CAPZA2: variants seen among roughly 807,000 people sequenced by gnomAD.
The protein encoded by CAPZA2 is F-actin-capping protein subunit alpha-2.
A neutral mutation model predicts 44.0 loss-of-function variants in CAPZA2; 13 were observed. That is an observed-to-expected ratio of 0.30 (90% CI 0.19 to 0.47). CAPZA2 has a LOEUF of 0.47. Among genes scored for constraint, CAPZA2 ranks in the 20% least tolerant of loss-of-function variants. The pLI, the probability that CAPZA2 is intolerant of heterozygous loss-of-function variation, is 1.00. For missense variants in CAPZA2, 244 were observed against 338.6 expected, an observed-to-expected ratio of 0.72 and a Z score of 2.19; for synonymous variants, 94 against 108.2, an observed-to-expected ratio of 0.87 and a Z score of 0.81.
Position 116,898,853 on chromosome 7 carries a change from A to T in CAPZA2, c.219+18A>T. 1 of 1,448,278 alleles carries T rather than the reference A, an allele frequency of 6.9e-7. No homozygotes were observed. The highest frequency in any genetic ancestry group is 9.6e-7 in the Non-Finnish European group (1 of 1,037,408). 89.7% of individuals were successfully genotyped at this position (1,448,278 alleles called of 1,614,324 possible). A position where few individuals can be genotyped will look rare whatever the true frequency, so the allele number is the denominator to read the frequency against. On this transcript the variant is annotated intron_variant, in intron 4 of 9. Transcript: ENST00000361183. The stretch of plus-strand genomic sequence containing the variant: ...AAGATCAGGTATGTTTCATATAAAC[A>T]CTATTCTTTGTTTTGTTTATAACCG...
chr7:116,867,844 A>G (rs769068621), intron 1 of CAPZA2, among the ~76,000 whole-genome samples: 6 of 152,128 alleles, frequency 3.9e-5, no homozygotes, highest in Admixed American at 1.3e-4. Flanking sequence ...TTGGCCTCCT[A>G]AAGTGCTGGG....
chr7:116,906,537 G>A (rs1465458661), intron 6 of CAPZA2, 195 bp downstream of exon 6: 10 of 933,376 alleles, frequency 1.1e-5, no homozygotes, highest in Non-Finnish European at 1.5e-5. Context: ...TGGTAAATCT[G>A]TTGACATTCA....
intron 1 of CAPZA2, among the ~76,000 whole-genome samples, chr7:116,870,888 G>T (rs1194790982): frequency 1.3e-5 from 2 of 152,208 alleles, no homozygotes; most frequent in Admixed American, 1.3e-4. Context: ...GGTACCACTA[G>T]TAACAACTGG....
At chr7:116,888,912 C>G (rs1427649754) in intron 2 of CAPZA2, among the ~76,000 whole-genome samples, 1 of 152,068 alleles carries the variant, frequency 6.6e-6, no homozygotes, top group East Asian at 1.9e-4. Context: ...TTTTGTATTT[C>G]TTTTAAAGAA....
chr7:116,920,328 TA>T lies in CAPZA2; in HGVS notation c.*2463del, dbSNP rs1229373818. 13 of 152,158 alleles carry T rather than the reference TA, an allele frequency of 8.5e-5. No individual in the cohort carries two copies. The highest frequency in any genetic ancestry group is 4.6e-4 in the Admixed American group (7 of 15,266). The allele number at this position is 152,158 out of a possible 1,614,324, so 9.4% of individuals were successfully genotyped here. A position where few individuals can be genotyped will look rare whatever the true frequency, so the allele number is the denominator to read the frequency against. On this transcript the variant is annotated 3_prime_UTR_variant, in exon 10 of 10. Coordinates refer to ENST00000361183, the MANE Select transcript of CAPZA2 (RefSeq NM_006136.3). The stretch of plus-strand genomic sequence containing the variant: ...CAGAGTATCCTATAGCTCAGGGATG[TA>T]ATTTTAGTAGGAGACATTATGGCTG...
intron 1 of CAPZA2, among the ~76,000 whole-genome samples, chr7:116,866,211 A>T (rs994087226): frequency 7.0e-6 from 1 of 142,140 alleles, no homozygotes; most frequent in Non-Finnish European, 1.5e-5. Context: ...TTTGAGACGG[A>T]GTCTCGCTCT....
At chr7:116,893,169 C>A in intron 3 of CAPZA2, 124 bp downstream of exon 3, 1 of 522,582 alleles carries the variant, frequency 1.9e-6, no homozygotes, top group South Asian at 3.1e-5. Context: ...CTCACTCTGT[C>A]GTCCAGGCTG....
At chr7:116,893,540 A>G (rs1224388878) in intron 3 of CAPZA2, among the ~76,000 whole-genome samples, 1 of 152,232 alleles carries the variant, frequency 6.6e-6, no homozygotes, top group African/African-American at 2.4e-5. Context: ...TTTTTATCAC[A>G]GAAGGACTTA....
intron 1 of CAPZA2, chr7:116,873,342 T>C (rs1238619564): frequency 1.3e-5 from 2 of 152,274 alleles, no homozygotes; most frequent in African/African-American, 4.8e-5. Context: ...TGTACATGTA[T>C]GTCTGTGTGC....
intron 4 of CAPZA2, among the ~76,000 whole-genome samples, chr7:116,899,912 C>G (rs570157607): frequency 1.3e-5 from 2 of 151,598 alleles, no homozygotes; most frequent in Admixed American, 1.3e-4. Context: ...GATTTTAAAA[C>G]TTTAAGTAAG....
intron 4 of CAPZA2, among the ~76,000 whole-genome samples, chr7:116,900,792 T>C (rs1241146961): frequency 6.6e-6 from 1 of 151,950 alleles, no homozygotes; most frequent in Non-Finnish European, 1.5e-5. Context: ...AAATCCAGCA[T>C]CTATAAAGAA....
chr7:116,906,480 G>A (rs1325303487), intron 6 of CAPZA2, 138 bp downstream of exon 6: 2 of 1,386,502 alleles, frequency 1.4e-6, no homozygotes. Context: ...TTAGCCTTTT[G>A]ATATAAGGAA....
chr7:116,885,653 G>T (rs1369006044), intron 1 of CAPZA2, among the ~76,000 whole-genome samples: 1 of 152,080 alleles, frequency 6.6e-6, no homozygotes, highest in African/African-American at 2.4e-5. Flanking sequence ...TAATTTGCTA[G>T]AGTGGCCCAC....
At position 116,921,374 on chromosome 7, in the gene CAPZA2, C is replaced by G. The variant is rs1292146934; in HGVS notation, c.*3507C>G. 4.4e-5 allele frequency: 6 copies of G among 137,606 alleles called. No individual in the cohort carries two copies. The highest frequency in any genetic ancestry group is 6.1e-5 in the Non-Finnish European group (4 of 65,174). The allele number at this position is 137,606 out of a possible 1,614,324, so 8.5% of individuals were successfully genotyped here. On this transcript the variant is annotated 3_prime_UTR_variant, in exon 10 of 10. Coordinates refer to ENST00000361183, the MANE Select transcript of CAPZA2 (RefSeq NM_006136.3). ...TCCAGGCTGGCGACAGAGCGAGACT[C>G]TGTCCCAAAAAAAAAAAAAAGTGGT...
chr7:116,904,741 A>T, intron 5 of CAPZA2: 1 of 168,594 alleles, frequency 5.9e-6, no homozygotes, highest in Non-Finnish European at 1.3e-5. Context: ...AAATAAAATT[A>T]CTTGGAAGTA....
At chr7:116,871,229 G>A (rs552831611) in intron 1 of CAPZA2, among the ~76,000 whole-genome samples, 44 of 152,276 alleles carry the variant, frequency 2.9e-4, no homozygotes, top group African/African-American at 8.4e-4. Flanking sequence ...CCTTGAGGTC[G>A]AAGTGTTACC....
intron 4 of CAPZA2, among the ~76,000 whole-genome samples, chr7:116,899,952 C>A (rs888200849): frequency 9.3e-5 from 14 of 151,116 alleles, no homozygotes; most frequent in Admixed American, 6.6e-5. Flanking sequence ...AGAGATATAT[C>A]CAAAGAATAA....
rs1407995363 is a variant in CAPZA2 at position 116,920,746 on chromosome 7, C to T, written c.*2879C>T. On this transcript the variant is annotated 3_prime_UTR_variant, in exon 10 of 10. Transcript: ENST00000361183. ...CTAGAAGAATGGGAAAGTGCATGAA[C>T]CTGGAAACAATTTTATAGGCAGACA... 6.6e-6 allele frequency: 1 copy of T among 152,228 alleles called. No homozygotes were observed. Among genetic ancestry groups the T allele is most frequent in the African/African-American group, 2.4e-5 (1 of 41,402 alleles). 9.4% of individuals were successfully genotyped at this position (152,228 alleles called of 1,614,324 possible).
At chr7:116,887,084 C>T (rs1474071380) in intron 1 of CAPZA2, among the ~76,000 whole-genome samples, 2 of 152,182 alleles carry the variant, frequency 1.3e-5, no homozygotes, top group East Asian at 3.8e-4. Context: ...TTTTTTTCTA[C>T]ATGTTTTACT....
Sources: gnomAD v4.1 joint callset for allele counts (sites outside exome capture counted in the v4.1 genomes callset) on GRCh38, gnomAD v4.1.1 for gene constraint, MANE v1.5 for transcripts, NCBI Gene and HGNC (gene_info 2026-07-23, HGNC 2026-07-21) for gene names.